ZNF541: variants seen among roughly 807,000 people sequenced by gnomAD.
ZNF541 encodes the protein zinc finger protein 541.
A neutral mutation model predicts 123.5 loss-of-function variants in ZNF541; 23 were observed. That is an observed-to-expected ratio of 0.19 (90% CI 0.13 to 0.26). The LOEUF (loss-of-function observed/expected upper bound fraction) is 0.26, where lower values mean the gene tolerates loss of function less well. Among genes scored for constraint, ZNF541 ranks in the 10% least tolerant of loss-of-function variants. ZNF541 has a pLI of 1.00. For synonymous variants in ZNF541, 751 were observed against 754.5 expected (o/e 1.00, Z 0.08); for missense variants, 1,612 against 1,789.9 (o/e 0.90, Z 1.79).
At chr19:47,571,856 A>G (rs990245027) in intron 2 of ZNF541, among the ~76,000 whole-genome samples, 40 bp downstream of exon 2, 2 of 152,190 alleles carry the variant, frequency 1.3e-5, no homozygotes, top group Admixed American at 6.6e-5. Flanking sequence ...TATCCAACAA[A>G]GCAGGTGTCT....
At chr19:47,542,140 A>C (rs994641501) in intron 5 of ZNF541, among the ~76,000 whole-genome samples, 2 of 152,190 alleles carry the variant, frequency 1.3e-5, no homozygotes, top group Non-Finnish European at 2.9e-5. Context: ...CGAATGCCAC[A>C]GAGTGCATGA....
At chr19:47,530,594 C>A (rs1969523121) in intron 12 of ZNF541, among the ~76,000 whole-genome samples, 1 of 152,160 alleles carries the variant, frequency 6.6e-6, no homozygotes, top group Non-Finnish European at 1.5e-5. Flanking sequence ...GTGGGGCCCA[C>A]TGCAAAATGA....
intron 2 of ZNF541, among the ~76,000 whole-genome samples, chr19:47,559,787 T>C (rs1599732311): frequency 6.7e-6 from 1 of 149,782 alleles, no homozygotes; most frequent in African/African-American, 2.5e-5. Flanking sequence ...GAAGCGGAGG[T>C]TGTAGTGAGC....
At chr19:47,534,887 TG>T (rs1969745721) in intron 9 of ZNF541, among the ~76,000 whole-genome samples, 2 of 152,066 alleles carry the variant, frequency 1.3e-5, no homozygotes, top group Non-Finnish European at 2.9e-5. Context: ...TGCAAAAAAA[TG>T]AATTTGGACC....
chr19:47,544,798 G>A lies in ZNF541; in HGVS notation c.1731C>T (p.Ser577=). ...TGCCCTCGGGCGCAGGGAGCTGGGA[G>A]GAGACTGCTGCCACCTGGGCATGGG... ...IFSHAQVAAV[S]SQLPAPEGKP... is the part of the protein sequence containing the mutation. Residue 577 remains serine (S), a synonymous_variant, in exon 5 of 17, where the codon TCC becomes TCT. Transcript: ENST00000391901. 1 of 1,527,912 alleles carries A rather than the reference G, an allele frequency of 6.5e-7. No individual in the cohort carries two copies. Among genetic ancestry groups the A allele is most frequent in the Non-Finnish European group, 8.8e-7 (1 of 1,141,684 alleles). 94.6% of individuals were successfully genotyped at this position (1,527,912 alleles called of 1,614,324 possible).
intron 3 of ZNF541, among the ~76,000 whole-genome samples, chr19:47,553,894 A>G (rs961455075): frequency 6.6e-6 from 1 of 152,218 alleles, no homozygotes; most frequent in African/African-American, 2.4e-5. Flanking sequence ...TGAGGAAAAT[A>G]TTCAAAGAAC....
rs1969992695 is a variant in ZNF541, at chr19:47,539,715, C to T, written c.2786G>A (p.Ser929Asn). 4 of 1,424,396 alleles carry T rather than the reference C, an allele frequency of 2.8e-6. No individual in the cohort carries two copies. The highest frequency in any genetic ancestry group is 3.7e-6 in the Non-Finnish European group (4 of 1,092,190). The allele number at this position is 1,424,396 out of a possible 1,614,324, so 88.2% of individuals were successfully genotyped here. Reference sequence around the variant, plus strand: ...CCGACAAGCACCCACCATGGCCATGCTCCCTATGTGTCGGGTCACTGGAAC... The same window carrying T: ...CCGACAAGCACCCACCATGGCCATGTTCCCTATGTGTCGGGTCACTGGAAC... ...PVVPVTRHIG[S>N]MAMGQEKDGE... The change falls in exon 8 of 17, where the codon AGC becomes AAC. Residue 929 changes from serine (S) to asparagine (N), a missense_variant. Ser to Asn is a conservative substitution (Grantham distance 46). Around this residue, in one of 5 missense-constraint regions of ZNF541, gnomAD observed 1,080 missense variants for 1,013.8 expected, o/e 1.07. Coordinates refer to ENST00000391901, the MANE Select transcript of ZNF541 (RefSeq NM_001277075.3).
Position 47,521,283 on chromosome 19 carries a change from T to C in ZNF541, c.3982A>G (p.Lys1328Glu). 6.4e-7 allele frequency: 1 copy of C among 1,551,738 alleles called. No individual in the cohort carries two copies. The highest frequency in any genetic ancestry group is 1.2e-5 in the South Asian group (1 of 84,062). Reference sequence around the variant, plus strand: ...TCCTCTTCCTTTAGCTGGAAGGGCTTCACTGGCCACTTCACCCTGATGATG... The same window carrying C: ...TCCTCTTCCTTTAGCTGGAAGGGCTCCACTGGCCACTTCACCCTGATGATG... ...EPIIRVKWPVKPFQLKEEELG... is the reference protein window; with the variant it reads ...EPIIRVKWPVEPFQLKEEELG... Residue 1328 changes from lysine to glutamate, a missense_variant, in exon 17 of 17, where the codon AAG (lysine) becomes GAG (glutamate). Physicochemically the swap from Lys to Glu is moderately conservative, Grantham distance 56 (BLOSUM62 1). This residue lies in a region of ZNF541 where 30 missense variants were observed against 48.9 expected (regional missense o/e 0.61). Coordinates refer to ENST00000391901, the MANE Select transcript of ZNF541 (RefSeq NM_001277075.3). The surrounding 1 kb of genome is among the most constrained non-coding windows in gnomAD (Gnocchi z 4.2).
intron 9 of ZNF541, among the ~76,000 whole-genome samples, chr19:47,535,243 G>A (rs560186654): frequency 4.1e-4 from 63 of 152,292 alleles, no homozygotes; most frequent in African/African-American, 1.4e-3. Flanking sequence ...GTGAGCCACC[G>A]CACCTGGACC....
chr19:47,570,572 GT>G lies in ZNF541; in HGVS notation c.-99+1323del, dbSNP rs1479988829. 9.0e-4 allele frequency among the ~76,000 whole-genome samples: 52 copies of G among 57,536 alleles called. 1 individual carries two copies. The Middle Eastern group carries it at 0.1, about 115-fold the overall frequency. The allele number at this position is 57,536 out of a possible 152,430, so 37.7% of individuals were successfully genotyped here. The stretch of plus-strand genomic sequence containing the variant: ...AGTCTGGGCGACAGAGCAAGACTCT[GT>G]CCTAAAAAAAAAAAAAAAAAAAAAA... On this transcript the variant is annotated intron_variant, in intron 2 of 16. Transcript: ENST00000391901.
chr19:47,562,318 C>T (rs1361358335), intron 2 of ZNF541, among the ~76,000 whole-genome samples: 3 of 150,496 alleles, frequency 2.0e-5, no homozygotes, highest in East Asian at 2.0e-4. Context: ...TCCGGGAGGG[C>T]GGATCACTTG....
At chr19:47,527,873 A>AT (rs1364295901) in intron 14 of ZNF541, among the ~76,000 whole-genome samples, 5 of 145,426 alleles carry the variant, frequency 3.4e-5, no homozygotes, top group African/African-American at 1.3e-4. Flanking sequence ...CTAATTTTGT[A>AT]TTTTTAGTAG....
chr19:47,539,654 C>G (rs1190250994), intron 8 of ZNF541, 51 bp downstream of exon 8: 3 of 1,375,860 alleles, frequency 2.2e-6, no homozygotes, highest in Non-Finnish European at 1.9e-6. Flanking sequence ...TACGGCTTCC[C>G]CCAGCAGCTG....
chr19:47,548,357 C>G (rs1477346233), intron 4 of ZNF541, among the ~76,000 whole-genome samples: 4 of 145,030 alleles, frequency 2.8e-5, no homozygotes, highest in Non-Finnish European at 4.5e-5. Context: ...GCAGGAGAAT[C>G]GCTTGAACCT....
Position 47,532,198 on chromosome 19 carries a change from G to A in ZNF541, c.3231C>T (p.Asp1077=), listed in dbSNP as rs577049924. 3.7e-5 allele frequency: 58 copies of A among 1,551,768 alleles called. No homozygotes were observed. The highest frequency in any genetic ancestry group is 4.5e-5 in the Non-Finnish European group (52 of 1,147,020). ...ELQERSLAGT[D]EHVASLVWKP... is the part of the protein sequence containing the mutation. ...TCCAGACCAGAGAAGCTACATGCTC[G>A]TCAGTTCCAGCCAGGGATCTCTCCT... The change falls in exon 11 of 17, where the codon GAC becomes GAT. Residue 1077 remains aspartate (D), a synonymous_variant. Coordinates refer to ENST00000391901, the MANE Select transcript of ZNF541 (RefSeq NM_001277075.3).
At chr19:47,537,326 G>A (rs1212700294) in intron 9 of ZNF541, among the ~76,000 whole-genome samples, 1 of 152,186 alleles carries the variant, frequency 6.6e-6, no homozygotes, top group Admixed American at 6.5e-5. Context: ...CACTTTGGGA[G>A]GCTGAGGAGG....
intron 3 of ZNF541, among the ~76,000 whole-genome samples, chr19:47,551,730 C>T (rs1838999473): frequency 6.6e-6 from 1 of 151,984 alleles, no homozygotes; most frequent in African/African-American, 2.4e-5. Flanking sequence ...GATGGGGTCT[C>T]ACTATGTTGC....
rs1970262201 is a variant in ZNF541, at chr19:47,544,947, C to A, written c.1582G>T (p.Gly528Cys). 6.5e-7 allele frequency: 1 copy of A among 1,535,232 alleles called. No individual in the cohort carries two copies. The highest frequency in any genetic ancestry group is 1.7e-4 in the Middle Eastern group (1 of 5,976). Residue 528 changes from glycine to cysteine, a missense_variant, in exon 5 of 17, where the codon GGC (glycine) becomes TGC (cysteine). Gly to Cys is a radical substitution (Grantham distance 159). Around this residue, in one of 5 missense-constraint regions of ZNF541, gnomAD observed 1,080 missense variants for 1,013.8 expected, o/e 1.07. Coordinates refer to ENST00000391901, the MANE Select transcript of ZNF541 (RefSeq NM_001277075.3). ...EPGLQEAQKA[G>C]GLPADASPLF... ...GGCGAGGCATCCGCAGGGAGCCCGC[C>A]TGCCTTCTGGGCCTCCTGGAGGCCG...
rs1330083934 is a variant in ZNF541, at chr19:47,540,173, C to T, written c.2622+3G>A. 15 of 1,549,952 alleles carry T rather than the reference C, an allele frequency of 9.7e-6. No homozygotes were observed. Among genetic ancestry groups the T allele is most frequent in the Non-Finnish European group, 1.3e-5 (15 of 1,146,588 alleles). ...CACCAAGCCACTGGTCGTCCCCCTT[C>T]ACCTGCGGTTCCTGCTTCCCTCGAG... On this transcript the variant is annotated splice_donor_region_variant and intron_variant, in intron 7 of 16. Transcript: ENST00000391901.
Sources: gnomAD v4.1 joint callset for allele counts (sites outside exome capture counted in the v4.1 genomes callset) on GRCh38, gnomAD v4.1.1 for gene constraint, gnomAD v4.1.1 regional missense constraint, Gnocchi (gnomAD v3.1) non-coding constraint, MANE v1.5 for transcripts, NCBI Gene and HGNC (gene_info 2026-07-23, HGNC 2026-07-21) for gene names.